CNGB3: variants seen among roughly 807,000 people sequenced by gnomAD.
CNGB3 encodes cyclic nucleotide-gated channel beta-3.
A neutral mutation model predicts 92.8 loss-of-function variants in CNGB3; 86 were observed. The ratio of observed to expected loss-of-function variants is 0.93; its 90% CI spans 0.78 to 1.11. CNGB3 has a LOEUF of 1.11. CNGB3 is among the 50% of genes least tolerant of loss of function. CNGB3 has a pLI of 0.00. For synonymous variants in CNGB3, 333 were observed against 332.7 expected, an observed-to-expected ratio of 1.00 and a Z score of -0.01; for missense variants, 1,026 against 956.8, an observed-to-expected ratio of 1.07 and a Z score of -0.95.
intron 13 of CNGB3, among the ~76,000 whole-genome samples, chr8:86,623,258 A>G (rs992057110): frequency 2.0e-5 from 3 of 152,152 alleles, no homozygotes; most frequent in African/African-American, 7.2e-5. Flanking sequence ...CCTACATGAA[A>G]TTTTCAACTG....
chr8:86,720,911 G>A (rs1824960492), intron 3 of CNGB3, among the ~76,000 whole-genome samples: 1 of 140,984 alleles, frequency 7.1e-6, no homozygotes, highest in South Asian at 2.3e-4. Context: ...CCATGAAAAG[G>A]AACAAAATAA....
intron 3 of CNGB3, among the ~76,000 whole-genome samples, chr8:86,724,518 T>G (rs747326216): frequency 6.6e-6 from 1 of 152,096 alleles, no homozygotes; most frequent in Admixed American, 6.6e-5. Context: ...GTGCCAGACA[T>G]TGATGTAGGT....
chr8:86,575,078 T>G lies in CNGB3; in HGVS notation c.*726A>C, dbSNP rs1821634427. On this transcript the variant is annotated 3_prime_UTR_variant, in exon 18 of 18. Transcript: ENST00000320005. ...GATGAGTTAGGTAGATTGGTGTCTTTTAAGTTGGTTAGAAGAGAAAATATT... is the reference window on the plus strand; with the variant it reads ...GATGAGTTAGGTAGATTGGTGTCTTGTAAGTTGGTTAGAAGAGAAAATATT... 1 of 152,160 alleles carries G rather than the reference T, an allele frequency of 6.6e-6. No homozygotes were observed. The highest frequency in any genetic ancestry group is 6.5e-5 in the Admixed American group (1 of 15,284). The allele number at this position is 152,160 out of a possible 1,614,324, so 9.4% of individuals were successfully genotyped here.
chr8:86,735,629 G>T (rs1005022114), intron 2 of CNGB3, among the ~76,000 whole-genome samples: 1 of 152,072 alleles, frequency 6.6e-6, no homozygotes, highest in East Asian at 1.9e-4. Context: ...CCTCCAGAGA[G>T]CATCAATCCA....
At chr8:86,645,928 G>A (rs2131595901) in intron 8 of CNGB3, among the ~76,000 whole-genome samples, 1 of 151,216 alleles carries the variant, frequency 6.6e-6, no homozygotes, top group Admixed American at 6.6e-5. Flanking sequence ...GCATTAAGAT[G>A]ACACCCTTAA....
At chr8:86,725,499 A>T (rs897706239) in intron 3 of CNGB3, among the ~76,000 whole-genome samples, 1 of 152,130 alleles carries the variant, frequency 6.6e-6, no homozygotes, top group South Asian at 2.1e-4. Flanking sequence ...TAATATGTCA[A>T]CTTTTATTTT....
In CNGB3 at chr8:86,738,508, T is replaced by C. The variant is rs144646120; in HGVS notation, c.211+1147A>G. On this transcript the variant is annotated intron_variant, in intron 2 of 17. Transcript: ENST00000320005. Reference sequence around the variant, plus strand: ...GGGTAGTGCAGACATAAGCTACTAATAAGGGCCCGAGCCAGGATGGTATTG... The same window carrying C: ...GGGTAGTGCAGACATAAGCTACTAACAAGGGCCCGAGCCAGGATGGTATTG... Among the ~76,000 whole-genome samples, 273 of 152,186 alleles carry C rather than the reference T, an allele frequency of 1.8e-3. 1 individual carries two copies. Among genetic ancestry groups the C allele is most frequent in the African/African-American group, 6.3e-3 (261 of 41,510 alleles).
chr8:86,670,220 G>A (rs879628460), intron 4 of CNGB3, among the ~76,000 whole-genome samples: 1 of 152,120 alleles, frequency 6.6e-6, no homozygotes, highest in Non-Finnish European at 1.5e-5. Context: ...TACTTGATTG[G>A]TTTGTTGATG....
At chr8:86,583,364 G>C (rs1255886305) in intron 15 of CNGB3, among the ~76,000 whole-genome samples, 1 of 152,102 alleles carries the variant, frequency 6.6e-6, no homozygotes, top group Non-Finnish European at 1.5e-5. Flanking sequence ...CATGTGAAGT[G>C]GCATAGTGTT....
intron 8 of CNGB3, among the ~76,000 whole-genome samples, chr8:86,647,489 A>G (rs1823311434): frequency 6.6e-6 from 1 of 151,062 alleles, no homozygotes; most frequent in Non-Finnish European, 1.5e-5. Flanking sequence ...AAAAAAACAA[A>G]AAGTATAAAA....
intron 15 of CNGB3, among the ~76,000 whole-genome samples, chr8:86,591,291 T>TC (rs1822029743): frequency 7.3e-6 from 1 of 137,486 alleles, no homozygotes; most frequent in African/African-American, 2.7e-5. Context: ...TTGAATGTCC[T>TC]CCCGTAGCTC....
chr8:86,662,746 G>C (rs1243297520), intron 6 of CNGB3, among the ~76,000 whole-genome samples: 3 of 152,140 alleles, frequency 2.0e-5, no homozygotes, highest in African/African-American at 7.2e-5. Context: ...CTAGCAGGGG[G>C]CTCTGACCTT....
intron 2 of CNGB3, among the ~76,000 whole-genome samples, chr8:86,737,394 G>A (rs1429850868): frequency 6.6e-6 from 1 of 152,042 alleles, no homozygotes; most frequent in Non-Finnish European, 1.5e-5. Context: ...ACATATGTCT[G>A]TAAAATTCAA....
chr8:86,621,360 A>G (rs1450409230), intron 13 of CNGB3, among the ~76,000 whole-genome samples: 1 of 152,244 alleles, frequency 6.6e-6, no homozygotes, highest in Non-Finnish European at 1.5e-5. Context: ...TAGTACACAC[A>G]TAAATATGTA....
rs1044915277 is a variant in CNGB3, at chr8:86,683,575, T to G, written c.339-12477A>C. 3.9e-5 allele frequency among the ~76,000 whole-genome samples: 6 copies of G among 152,294 alleles called. No individual in the cohort carries two copies. The East Asian group carries it at 1.2e-3, about 29-fold the overall frequency. ...CAAACAGATGGTAATAACTTTTCTTTTTTAAGGAATTATATTTTCATGAAG... is the reference window on the plus strand; with the variant it reads ...CAAACAGATGGTAATAACTTTTCTTGTTTAAGGAATTATATTTTCATGAAG... On this transcript the variant is annotated intron_variant, in intron 3 of 17. Coordinates refer to ENST00000320005, the MANE Select transcript of CNGB3 (RefSeq NM_019098.5).
intron 3 of CNGB3, among the ~76,000 whole-genome samples, chr8:86,712,961 GAAA>G (rs948728200): frequency 6.6e-6 from 1 of 150,732 alleles, no homozygotes; most frequent in Non-Finnish European, 1.5e-5. Flanking sequence ...TTTAAAAAAA[GAAA>G]AAAGAAAAGA....
chr8:86,732,159 A>G (rs1467805420), intron 2 of CNGB3, among the ~76,000 whole-genome samples: 1 of 152,218 alleles, frequency 6.6e-6, no homozygotes, highest in Non-Finnish European at 1.5e-5. Flanking sequence ...CAGTAATTTT[A>G]TCGGTCAGAA....
chr8:86,731,363 G>T (rs1317889020), intron 2 of CNGB3, among the ~76,000 whole-genome samples: 2 of 152,168 alleles, frequency 1.3e-5, no homozygotes. Flanking sequence ...CCTCTAGACA[G>T]CCTTAAAGTC....
chr8:86,620,178 C>T (rs1177747653), intron 13 of CNGB3, among the ~76,000 whole-genome samples: 1 of 152,142 alleles, frequency 6.6e-6, no homozygotes, highest in Non-Finnish European at 1.5e-5. Context: ...TGACCTCAGT[C>T]AGGTAAGTTG....
Sources: allele counts gnomAD v4.1 joint callset (sites outside exome capture counted in the v4.1 genomes callset), GRCh38; gene constraint gnomAD v4.1.1; transcripts MANE v1.5; gene names NCBI Gene and HGNC (gene_info 2026-07-23, HGNC 2026-07-21).